Variants in PCDH15 observed in about 807,000 individuals in gnomAD.
PCDH15 encodes protocadherin related 15.
PCDH15 carries 129 observed loss-of-function variants against 178.5 expected under a neutral mutation model. The ratio of observed to expected loss-of-function variants is 0.72; its 90% CI spans 0.63 to 0.84. The LOEUF (loss-of-function observed/expected upper bound fraction) is 0.84, where lower values mean the gene tolerates loss of function less well. Among genes scored for constraint, PCDH15 ranks in the 40% least tolerant of loss-of-function variants. PCDH15 has a pLI of 0.00. For synonymous variants in PCDH15, 800 were observed against 732.0 expected (o/e 1.09, Z -1.50); for missense variants, 2,230 against 2,099.9 (o/e 1.06, Z -1.21).
At chr10:55,560,235 G>A (rs1842169947) in intron 2 of PCDH15, among the ~76,000 whole-genome samples, 1 of 151,986 alleles carries the variant, frequency 6.6e-6, no homozygotes, top group Admixed American at 6.6e-5. Context: ...AGGAAAAAAT[G>A]CAGGAAGATG....
rs2075868099 is a variant in PCDH15, at chr10:53,811,620, C to T, written c.4492-1G>A. The T allele has an allele frequency of 6.5e-7, 1 of 1,539,242 alleles. No homozygotes were observed. The highest frequency in any genetic ancestry group is 2.4e-5 in the East Asian group (1 of 41,840). ...CAATTCCAGACTCCATGGATAATTC[C>T]TATTGTTCAAAAAGAAAAATTGCAT... On this transcript the variant is annotated splice_acceptor_variant, in intron 35 of 37. Coordinates refer to ENST00000644397, the MANE Select transcript of PCDH15 (RefSeq NM_001384140.1). LOFTEE classifies it high-confidence loss of function.
intron 2 of PCDH15, among the ~76,000 whole-genome samples, chr10:55,494,697 T>C (rs369478637): frequency 2.0e-5 from 3 of 151,898 alleles, no homozygotes; most frequent in South Asian, 2.1e-4. Context: ...GAAATTAAAA[T>C]CTTTACTCCT....
At chr10:54,059,347 A>C (rs1157233362) in intron 18 of PCDH15, among the ~76,000 whole-genome samples, 1 of 152,204 alleles carries the variant, frequency 6.6e-6, no homozygotes. Flanking sequence ...AGTATGCACA[A>C]TAACAGTAAT....
intron 18 of PCDH15, among the ~76,000 whole-genome samples, chr10:54,037,801 T>C (rs542530504): frequency 3.9e-5 from 6 of 152,140 alleles, no homozygotes; most frequent in Non-Finnish European, 8.8e-5. Context: ...AAAGAAGTTA[T>C]TGACTTATTT....
chr10:54,913,128 C>G (rs994571713), intron 2 of PCDH15, among the ~76,000 whole-genome samples: 3 of 152,154 alleles, frequency 2.0e-5, no homozygotes, highest in East Asian at 3.9e-4. Flanking sequence ...TTTAAGCTAG[C>G]TGCAGAAATT....
chr10:53,887,891 A>G (rs1186697732), intron 26 of PCDH15, among the ~76,000 whole-genome samples: 1 of 152,178 alleles, frequency 6.6e-6, no homozygotes, highest in Non-Finnish European at 1.5e-5. Flanking sequence ...TCCATCTCCA[A>G]AAAATAAAAA....
intron 1 of PCDH15, among the ~76,000 whole-genome samples, chr10:54,701,012 C>A (rs2095303210): frequency 6.6e-6 from 1 of 152,034 alleles, no homozygotes; most frequent in Non-Finnish European, 1.5e-5. Context: ...AACAGTGGAT[C>A]TTTTAGAAGA....
At chr10:55,566,178 A>G (rs1262793081) in intron 2 of PCDH15, among the ~76,000 whole-genome samples, 2 of 151,798 alleles carry the variant, frequency 1.3e-5, no homozygotes, top group Non-Finnish European at 1.5e-5. Flanking sequence ...AATGTAATAT[A>G]CCATATTAAC....
rs1252574846 is a variant in PCDH15 at position 54,565,063 on chromosome 10, G to C, written c.92-37186C>G. On this transcript the variant is annotated intron_variant, in intron 2 of 37. Transcript: ENST00000644397. ...TGGATGCATTGATCTAGCAAAATGA[G>C]ATGAACCCAAACCATTATAAGCAAT... 6.6e-5 allele frequency among the ~76,000 whole-genome samples: 10 copies of C among 152,186 alleles called. No homozygotes were observed. In the East Asian group the frequency reaches 1.7e-3, roughly 27 times the overall value.
chr10:54,756,591 T>C (rs1947156839), intron 1 of PCDH15, among the ~76,000 whole-genome samples: 1 of 152,176 alleles, frequency 6.6e-6, no homozygotes, highest in Non-Finnish European at 1.5e-5. Flanking sequence ...TTGGTGAAAC[T>C]GTAATGGCTT....
At chr10:54,318,480 G>C (rs1205124893) in intron 7 of PCDH15, among the ~76,000 whole-genome samples, 2 of 152,018 alleles carry the variant, frequency 1.3e-5, no homozygotes. Flanking sequence ...ACTTTGTCTA[G>C]TGCAATTTTG....
chr10:55,023,386 C>T (rs1474267267), intron 2 of PCDH15, among the ~76,000 whole-genome samples: 4 of 152,070 alleles, frequency 2.6e-5, no homozygotes, highest in African/African-American at 7.2e-5. Context: ...AGAACGTTGT[C>T]GGTAGAAAAA....
intron 2 of PCDH15, among the ~76,000 whole-genome samples, chr10:55,592,678 C>A (rs1196183498): frequency 6.6e-6 from 1 of 151,988 alleles, no homozygotes; most frequent in Non-Finnish European, 1.5e-5. Context: ...AAATTTGAGA[C>A]CTTTGTTTTC....
At chr10:55,294,578 T>C (rs1001456147) in intron 1 of PCDH15, among the ~76,000 whole-genome samples, 1 of 152,208 alleles carries the variant, frequency 6.6e-6, no homozygotes, top group African/African-American at 2.4e-5. Flanking sequence ...TTATTTTTGT[T>C]ATTATGATAA....
chr10:55,538,035 T>C (rs185191946), intron 2 of PCDH15, among the ~76,000 whole-genome samples: 13 of 152,304 alleles, frequency 8.5e-5, no homozygotes, highest in Admixed American at 8.5e-4. Flanking sequence ...TTAGAACTCA[T>C]TACATAGAAT....
At chr10:55,535,590 T>C (rs1160292824) in intron 2 of PCDH15, among the ~76,000 whole-genome samples, 1 of 152,020 alleles carries the variant, frequency 6.6e-6, no homozygotes, top group East Asian at 1.9e-4. Context: ...ACATTTCTTC[T>C]GGAAAGAAAT....
intron 26 of PCDH15, among the ~76,000 whole-genome samples, chr10:53,894,108 C>T (rs2081780634): frequency 6.6e-6 from 1 of 151,530 alleles, no homozygotes; most frequent in African/African-American, 2.4e-5. Context: ...AATGTTAAGC[C>T]CAATATATAA....
At chr10:54,554,203 G>T (rs1303973955) in intron 2 of PCDH15, among the ~76,000 whole-genome samples, 2 of 151,784 alleles carry the variant, frequency 1.3e-5, no homozygotes, top group Non-Finnish European at 2.9e-5. Context: ...TTCTCACCTG[G>T]CCCCTTACCT....
chr10:54,377,463 T>A (rs573012834), intron 4 of PCDH15, among the ~76,000 whole-genome samples: 42 of 152,230 alleles, frequency 2.8e-4, no homozygotes, highest in African/African-American at 9.9e-4. Context: ...AAAAGCACTG[T>A]GGCAGCAGGA....
Sources: gnomAD v4.1 joint callset for allele counts (sites outside exome capture counted in the v4.1 genomes callset) on GRCh38, gnomAD v4.1.1 for gene constraint, MANE v1.5 for transcripts, NCBI Gene and HGNC (gene_info 2026-07-23, HGNC 2026-07-21) for gene names.